Variants in VCAN observed in about 807,000 individuals in gnomAD.
The protein encoded by VCAN is versican core protein.
A neutral mutation model predicts 245.5 loss-of-function variants in VCAN; 44 were observed. The observed-to-expected ratio is 0.18, with a 90% CI of 0.14 to 0.23. VCAN has a LOEUF of 0.23. Ranked by LOEUF, VCAN falls within the 10% of genes least tolerant of loss-of-function variation. VCAN has a pLI of 1.00. For missense variants in VCAN, 3,793 were observed against 4,057.9 expected (o/e 0.93, Z 1.77); for synonymous variants, 1,413 against 1,437.0 (o/e 0.98, Z 0.38).
intron 1 of VCAN, among the ~76,000 whole-genome samples, chr5:83,476,332 A>C (rs1744389812): frequency 6.6e-6 from 1 of 152,214 alleles, no homozygotes; most frequent in African/African-American, 2.4e-5. Flanking sequence ...AAAATGGGAT[A>C]TTGCCCTGTG....
chr5:83,493,464 A>T (rs1745047374), intron 3 of VCAN, 82 bp from the exon 4 acceptor site: 3 of 1,549,616 alleles, frequency 1.9e-6, no homozygotes, highest in Admixed American at 3.3e-5. Flanking sequence ...AACTAAGTTG[A>T]TACATTGCTC....
intron 2 of VCAN, among the ~76,000 whole-genome samples, chr5:83,489,322 T>C (rs183171436): frequency 6.6e-6 from 1 of 152,304 alleles, no homozygotes; most frequent in East Asian, 1.9e-4. Flanking sequence ...TGAAAAAACA[T>C]TTATTTTGCA....
intron 5 of VCAN, among the ~76,000 whole-genome samples, chr5:83,499,413 GTAAT>G (rs909766556): frequency 6.6e-6 from 1 of 152,108 alleles, no homozygotes; most frequent in Non-Finnish European, 1.5e-5. Flanking sequence ...ATAGTTGGTG[GTAAT>G]TATAGTATTT....
intron 10 of VCAN, among the ~76,000 whole-genome samples, chr5:83,551,375 G>T (rs948256647): frequency 5.3e-5 from 8 of 152,146 alleles, no homozygotes; most frequent in Admixed American, 3.3e-4. Flanking sequence ...AGCCAGGCAT[G>T]GTGGTGCACG....
At chr5:83,522,452 T>C in intron 7 of VCAN, 143 bp downstream of exon 7, 1 of 860,684 alleles carries the variant, frequency 1.2e-6, no homozygotes, top group South Asian at 1.6e-5. Context: ...TAGCTTCATA[T>C]ATTTGTACAA....
Position 83,489,926 on chromosome 5 carries a change from T to C in VCAN, c.71-172T>C, listed in dbSNP as rs188195216. 1.6e-4 allele frequency among the ~76,000 whole-genome samples: 25 copies of C among 152,284 alleles called. No homozygotes were observed. The East Asian group carries it at 4.6e-3, about 28-fold the overall frequency. ...TGAGCATTATTAATCCCTGTTGTTG[T>C]AAAACATCATTGAAATTGTATGCTA... On this transcript the variant is annotated intron_variant, in intron 2 of 14. Coordinates refer to ENST00000265077, the MANE Select transcript of VCAN (RefSeq NM_004385.5).
In VCAN at chr5:83,511,570, A is replaced by ATT. The variant is rs768877661; in HGVS notation, c.749-519_749-518dup. ...TCTTCACATTTCTGGAGGTTTTCTTATTTTTTTTTTTTTTTATTTAATGGC... is the reference window on the plus strand; with the variant it reads ...TCTTCACATTTCTGGAGGTTTTCTTATTTTTTTTTTTTTTTTTATTTAATGGC... On this transcript the variant is annotated intron_variant, in intron 5 of 14. Transcript: ENST00000265077. Among the ~76,000 whole-genome samples, 14 of 141,884 alleles carry ATT rather than the reference A, an allele frequency of 9.9e-5. No homozygotes were observed. The East Asian group carries it at 1.8e-3, about 18-fold the overall frequency. 93.1% of individuals were successfully genotyped at this position (141,884 alleles called of 152,430 possible). A position where few individuals can be genotyped will look rare whatever the true frequency, so the allele number is the denominator to read the frequency against.
intron 10 of VCAN, 60 bp downstream of exon 10, chr5:83,548,144 G>A: frequency 7.6e-7 from 1 of 1,320,578 alleles, no homozygotes; most frequent in Non-Finnish European, 1.1e-6. Flanking sequence ...AGCAATTTTG[G>A]CCTCAATGCA....
At chr5:83,528,459 A>G (rs1029715841) in intron 7 of VCAN, among the ~76,000 whole-genome samples, 2 of 152,066 alleles carry the variant, frequency 1.3e-5, no homozygotes, top group African/African-American at 4.8e-5. Context: ...GCTGTTTGAC[A>G]TGGCCTGCTT....
chr5:83,519,433 A>T lies in VCAN; in HGVS notation c.1127A>T (p.Asp376Val). 2 of 1,614,166 alleles carry T rather than the reference A, an allele frequency of 1.2e-6. No individual in the cohort carries two copies. Among genetic ancestry groups the T allele is most frequent in the Non-Finnish European group, 1.7e-6 (2 of 1,179,974 alleles). The change falls in exon 7 of 15, where the codon GAT becomes GTT. Residue 376 changes from aspartate (D) to valine (V), a missense_variant. Asp to Val is a radical substitution (Grantham distance 152). Coordinates refer to ENST00000265077, the MANE Select transcript of VCAN (RefSeq NM_004385.5). ...SLSKEPQMVS[D>V]RTTPIIPLVD... Reference sequence around the variant, plus strand: ...TCCAAAGAACCACAAATGGTTTCTGATAGAACTACACCAATCATCCCTTTA... The same window carrying T: ...TCCAAAGAACCACAAATGGTTTCTGTTAGAACTACACCAATCATCCCTTTA...
chr5:83,541,099 C>T lies in VCAN; in HGVS notation c.8096C>T (p.Ser2699Phe), dbSNP rs763286067. The change falls in exon 8 of 15, where the codon TCT becomes TTT. Residue 2699 changes from serine to phenylalanine, a missense_variant. By Grantham distance (155) the Ser-to-Phe change is radical. Around this residue, in one of 5 missense-constraint regions of VCAN, gnomAD observed 3,182 missense variants for 3,250.3 expected, o/e 0.98. Transcript: ENST00000265077. Reference protein sequence around the residue: ...TATSLPIPRKSATVIPEIEGI... With the variant: ...TATSLPIPRKFATVIPEIEGI... ...ACATCCCTGCCAATTCCTCGTAAGT[C>T]TGCCACAGTTATTCCAGAGATTGAA... 1.2e-6 allele frequency: 2 copies of T among 1,614,102 alleles called. No individual in the cohort carries two copies. The highest frequency in any genetic ancestry group is 1.3e-5 in the African/African-American group (1 of 75,042).
Position 83,574,233 on chromosome 5 carries a change from C to T in VCAN, c.9880+1673C>T, listed in dbSNP as rs554301397. On this transcript the variant is annotated intron_variant, in intron 13 of 14. Coordinates refer to ENST00000265077, the MANE Select transcript of VCAN (RefSeq NM_004385.5). Reference sequence around the variant, plus strand: ...AGATCTTCCCCACCTCATCCACTCACGCTGACACATTAATCTTCTCTAGAA... The same window carrying T: ...AGATCTTCCCCACCTCATCCACTCATGCTGACACATTAATCTTCTCTAGAA... Among the ~76,000 whole-genome samples the T allele has an allele frequency of 4.6e-5, 7 of 152,232 alleles. No individual in the cohort carries two copies. The South Asian group carries it at 6.2e-4, about 14-fold the overall frequency.
intron 5 of VCAN, among the ~76,000 whole-genome samples, chr5:83,509,063 A>AAAG (rs1561237354): frequency 6.8e-6 from 1 of 147,896 alleles, no homozygotes; most frequent in African/African-American, 2.6e-5. Context: ...AGAAAGAAAG[A>AAAG]AAAGAAAGAA....
In VCAN at chr5:83,490,177, T is replaced by G. The variant is rs757817621; in HGVS notation, c.150T>G (p.Pro50=). ...VSLPCHFSTM[P]TLPPSYNTSE... ...TACCTTGTCATTTTTCAACGATGCC[T>G]ACTTTGCCACCCAGTTACAACACCA... The change falls in exon 3 of 15, where the codon CCT becomes CCG. Residue 50 remains proline, a synonymous_variant. Transcript: ENST00000265077. 6.2e-7 allele frequency: 1 copy of G among 1,614,180 alleles called. No individual in the cohort carries two copies. The highest frequency in any genetic ancestry group is 1.1e-5 in the South Asian group (1 of 91,088).
At chr5:83,559,834 A>G (rs2112479533) in intron 12 of VCAN, among the ~76,000 whole-genome samples, 2 of 152,248 alleles carry the variant, frequency 1.3e-5, no homozygotes, top group South Asian at 4.1e-4. Flanking sequence ...GATCATCAGT[A>G]TACACACATT....
intron 1 of VCAN, among the ~76,000 whole-genome samples, chr5:83,473,658 T>C (rs1470125880): frequency 6.6e-6 from 1 of 152,114 alleles, no homozygotes; most frequent in Non-Finnish European, 1.5e-5. Context: ...CTGCCCCCAG[T>C]TCAGCTCACA....
intron 3 of VCAN, among the ~76,000 whole-genome samples, chr5:83,492,617 C>T (rs546356356): frequency 6.6e-6 from 1 of 152,230 alleles, no homozygotes; most frequent in East Asian, 1.9e-4. Context: ...ATTTCTTGAG[C>T]CCTGGAGCAC....
At chr5:83,480,234 C>T (rs1440028801) in intron 1 of VCAN, among the ~76,000 whole-genome samples, 3 of 152,110 alleles carry the variant, frequency 2.0e-5, no homozygotes, top group Non-Finnish European at 2.9e-5. Context: ...GAAAGTGATG[C>T]GTATACTTGT....
At chr5:83,534,194 G>A (rs202061788) in intron 7 of VCAN, 1 of 138,398 alleles carries the variant, frequency 7.2e-6, no homozygotes, top group East Asian at 2.1e-4. Context: ...TCAATAAGAA[G>A]ATCATGAGAT....
Sources: gnomAD v4.1 joint callset for allele counts (sites outside exome capture counted in the v4.1 genomes callset) on GRCh38, gnomAD v4.1.1 for gene constraint, gnomAD v4.1.1 regional missense constraint, MANE v1.5 for transcripts, NCBI Gene and HGNC (gene_info 2026-07-23, HGNC 2026-07-21) for gene names.